Variants in ATP13A5 observed in about 807,000 individuals in gnomAD.
ATP13A5 encodes the protein ATPase 13A5.
Under a neutral mutation model 150.2 loss-of-function variants are expected in ATP13A5, and 149 were observed. The ratio of observed to expected loss-of-function variants is 0.99; its 90% CI spans 0.87 to 1.14. The LOEUF (loss-of-function observed/expected upper bound fraction) is 1.14, where lower values mean the gene tolerates loss of function less well. ATP13A5 is among the 50% of genes most tolerant of loss of function. ATP13A5 has a pLI of 0.00. For missense variants in ATP13A5, 1,383 were observed against 1,449.3 expected (o/e 0.95, Z 0.74); for synonymous variants, 497 against 522.2 (o/e 0.95, Z 0.66).
chr3:193,332,272 C>A lies in ATP13A5; in HGVS notation c.1273-961G>T, dbSNP rs188693141. Reference sequence around the variant, plus strand: ...TTTTGCTTCTGCTTTGCCTTCCAACCATGACTGTGAGGCCTCCCCAGCCAT... The same window carrying A: ...TTTTGCTTCTGCTTTGCCTTCCAACAATGACTGTGAGGCCTCCCCAGCCAT... On this transcript the variant is annotated intron_variant, in intron 11 of 29. Transcript: ENST00000342358. Among the ~76,000 whole-genome samples the A allele has an allele frequency of 2.6e-5, 4 of 152,334 alleles. No homozygotes were observed. The East Asian group carries it at 7.7e-4, about 29-fold the overall frequency.
chr3:193,350,016 C>T (rs902200219), intron 7 of ATP13A5, among the ~76,000 whole-genome samples: 11 of 151,662 alleles, frequency 7.3e-5, no homozygotes, highest in Non-Finnish European at 1.0e-4. Context: ...CAACAAGTAA[C>T]GGAATAGTTG....
chr3:193,363,910 C>T (rs1437408762), intron 2 of ATP13A5, among the ~76,000 whole-genome samples, 197 bp downstream of exon 2: 2 of 152,122 alleles, frequency 1.3e-5, no homozygotes, highest in African/African-American at 4.8e-5. Context: ...GCTCTTCCTT[C>T]CTGGGTCAAA....
chr3:193,360,955 G>A (rs1262597836), intron 5 of ATP13A5, among the ~76,000 whole-genome samples: 5 of 152,190 alleles, frequency 3.3e-5, no homozygotes, highest in Admixed American at 2.0e-4. Context: ...GGGATTACAG[G>A]TGTGAGCCAC....
chr3:193,318,348 C>A (rs1719129339), intron 17 of ATP13A5, among the ~76,000 whole-genome samples: 1 of 152,150 alleles, frequency 6.6e-6, no homozygotes, highest in African/African-American at 2.4e-5. Flanking sequence ...TATTTTTTTA[C>A]TCCTTTGTCA....
chr3:193,328,843 A>G (rs1392150755), intron 12 of ATP13A5, among the ~76,000 whole-genome samples: 2 of 152,258 alleles, frequency 1.3e-5, no homozygotes, highest in African/African-American at 4.8e-5. Flanking sequence ...TGAAAATTCA[A>G]TTAATGGCAG....
chr3:193,351,072 G>A lies in ATP13A5; in HGVS notation c.736C>T (p.Arg246Ter), dbSNP rs140992895. Reference sequence around the variant, plus strand: ...GCTGTGATTTCAGGTCTTACCTGTCGCAAATCATACACACTTAAGACAATG... The same window carrying A: ...GCTGTGATTTCAGGTCTTACCTGTCACAAATCATACACACTTAAGACAATG... Reference protein sequence around the residue: ...ISIVLSVYDLRQQSVKLHNLV... With the variant: ...ISIVLSVYDL Residue 246 changes from arginine to a stop codon, truncating the protein, a stop_gained, in exon 7 of 30, where the codon CGA becomes TGA. Coordinates refer to ENST00000342358, the MANE Select transcript of ATP13A5 (RefSeq NM_198505.4). LOFTEE classifies it high-confidence loss of function. The A allele has an allele frequency of 2.0e-5, 32 of 1,612,626 alleles. No individual in the cohort carries two copies. The highest frequency in any genetic ancestry group is 1.9e-4 in the African/African-American group (14 of 74,870).
chr3:193,308,109 G>A (rs6444698), intron 21 of ATP13A5, among the ~76,000 whole-genome samples: 136,280 of 152,284 alleles, frequency 0.89, 61,205 homozygotes, highest in East Asian at 0.98. Context: ...TTTTGTTAGC[G>A]TTTCGTTATT....
intron 26 of ATP13A5, among the ~76,000 whole-genome samples, chr3:193,286,007 TTTAG>T (rs1390154279): frequency 6.6e-6 from 1 of 152,176 alleles, no homozygotes; most frequent in Non-Finnish European, 1.5e-5. Flanking sequence ...GTTTTTTGGT[TTTAG>T]TTAGATTTAC....
intron 12 of ATP13A5, among the ~76,000 whole-genome samples, chr3:193,329,659 G>A (rs1250469323): frequency 6.6e-6 from 1 of 152,116 alleles, no homozygotes; most frequent in Non-Finnish European, 1.5e-5. Flanking sequence ...TGGTGATCGA[G>A]AACTTTCTTT....
intron 9 of ATP13A5, among the ~76,000 whole-genome samples, chr3:193,338,971 A>G (rs1712006730): frequency 6.6e-6 from 1 of 152,118 alleles, no homozygotes; most frequent in African/African-American, 2.4e-5. Context: ...GGGAGGGTGT[A>G]TATGTCGAGG....
At chr3:193,355,413 A>C (rs944113271) in intron 5 of ATP13A5, among the ~76,000 whole-genome samples, 3 of 152,186 alleles carry the variant, frequency 2.0e-5, no homozygotes, top group South Asian at 4.1e-4. Flanking sequence ...AGCTAGAAAG[A>C]GGCAGGCTTT....
At chr3:193,348,299 C>G (rs1712428770) in intron 7 of ATP13A5, among the ~76,000 whole-genome samples, 1 of 152,164 alleles carries the variant, frequency 6.6e-6, no homozygotes, top group South Asian at 2.1e-4. Flanking sequence ...TATTCAGCAT[C>G]TGTTGCTACG....
intron 1 of ATP13A5, among the ~76,000 whole-genome samples, chr3:193,369,992 T>C (rs1327994005): frequency 6.6e-6 from 1 of 152,144 alleles, no homozygotes; most frequent in African/African-American, 2.4e-5. Flanking sequence ...AGACCGGTAA[T>C]AGAAACAGCC....
intron 17 of ATP13A5, among the ~76,000 whole-genome samples, chr3:193,318,167 G>A (rs1257284561): frequency 4.6e-5 from 7 of 152,222 alleles, no homozygotes; most frequent in Non-Finnish European, 1.0e-4. Context: ...GGAAGGGACT[G>A]TGTTTACTAA....
chr3:193,370,629 T>G (rs1416946007), intron 1 of ATP13A5, among the ~76,000 whole-genome samples: 2 of 152,338 alleles, frequency 1.3e-5, no homozygotes, highest in African/African-American at 2.4e-5. Context: ...CTAGGGTTAT[T>G]GTTAGAAACT....
At chr3:193,333,568 A>G (rs28469655) in intron 11 of ATP13A5, among the ~76,000 whole-genome samples, 182 bp downstream of exon 11, 281 of 152,326 alleles carry the variant, frequency 1.8e-3, no homozygotes, top group African/African-American at 6.4e-3. Context: ...AGTGTTTTAG[A>G]TATTACCTAA....
chr3:193,362,250 G>A (rs113224005), intron 5 of ATP13A5, 131 bp downstream of exon 5: 58 of 779,186 alleles, frequency 7.4e-5, no homozygotes, highest in Middle Eastern at 3.5e-4. Flanking sequence ...GGATATCTCC[G>A]CTGCCAGTAA....
At chr3:193,344,370 G>T (rs1440876576) in intron 8 of ATP13A5, among the ~76,000 whole-genome samples, 1 of 152,156 alleles carries the variant, frequency 6.6e-6, no homozygotes, top group East Asian at 1.9e-4. Context: ...CTCTCGTCCG[G>T]GTTTCTGATT....
rs753599472 is a variant in ATP13A5, at chr3:193,324,826, C to T, written c.1674+38G>A. On this transcript the variant is annotated intron_variant, in intron 14 of 29. Transcript: ENST00000342358. ...GCTTCAGCACTCCCAGTAAAGATTT[C>T]CTCAGATTCTCATCTTTCCATTAAA... 8 of 1,597,512 alleles carry T rather than the reference C, an allele frequency of 5.0e-6. No individual in the cohort carries two copies. The Middle Eastern group carries it at 8.4e-4, about 169-fold the overall frequency.
Sources: allele counts gnomAD v4.1 joint callset (sites outside exome capture counted in the v4.1 genomes callset), GRCh38; gene constraint gnomAD v4.1.1; transcripts MANE v1.5; gene names NCBI Gene and HGNC (gene_info 2026-07-23, HGNC 2026-07-21).